THADA: variants seen among roughly 807,000 people sequenced by gnomAD.
THADA encodes the protein THADA armadillo repeat containing.
Under a neutral mutation model 219.8 loss-of-function variants are expected in THADA, and 213 were observed. The observed-to-expected ratio is 0.97, with a 90% CI of 0.87 to 1.09. The LOEUF (loss-of-function observed/expected upper bound fraction) is 1.09, where lower values mean the gene tolerates loss of function less well. THADA is among the 50% of genes least tolerant of loss of function. THADA has a pLI of 0.00. For missense variants in THADA, 2,956 were observed against 2,311.3 expected, an observed-to-expected ratio of 1.28 and a Z score of -5.72; for synonymous variants, 1,018 against 828.9, an observed-to-expected ratio of 1.23 and a Z score of -3.92.
chr2:43,334,077 C>A (rs1666105244), intron 30 of THADA, among the ~76,000 whole-genome samples: 1 of 152,232 alleles, frequency 6.6e-6, no homozygotes. Context: ...GGGATTGCCA[C>A]ACAAAAGCCT....
intron 26 of THADA, among the ~76,000 whole-genome samples, chr2:43,474,355 C>T (rs1019730420): frequency 1.3e-5 from 2 of 152,196 alleles, no homozygotes; most frequent in African/African-American, 4.8e-5. Context: ...AGGAGTGGAA[C>T]ATGCAGGCTC....
At chr2:43,582,496 T>TA (rs564311180) in intron 7 of THADA, among the ~76,000 whole-genome samples, 138 of 128,192 alleles carry the variant, frequency 1.1e-3, no homozygotes, top group Non-Finnish European at 1.1e-3. Flanking sequence ...GACACCATCT[T>TA]AAAAAAAAAA....
intron 29 of THADA, among the ~76,000 whole-genome samples, chr2:43,369,446 A>G (rs1380229589): frequency 6.6e-6 from 1 of 152,218 alleles, no homozygotes; most frequent in East Asian, 1.9e-4. Context: ...GTGACATATA[A>G]TATCTATCAC....
chr2:43,478,626 C>T (rs1043681600), intron 26 of THADA, among the ~76,000 whole-genome samples: 2 of 152,108 alleles, frequency 1.3e-5, no homozygotes, highest in Non-Finnish European at 2.9e-5. Context: ...ACATGCATTG[C>T]CAAAATTCCA....
At chr2:43,394,504 T>C (rs1558689610) in intron 29 of THADA, among the ~76,000 whole-genome samples, 1 of 152,240 alleles carries the variant, frequency 6.6e-6, no homozygotes, top group Non-Finnish European at 1.5e-5. Flanking sequence ...AACTTTATAT[T>C]TATTTAGCTG....
intron 25 of THADA, among the ~76,000 whole-genome samples, chr2:43,489,121 G>A (rs1313034061): frequency 6.6e-6 from 1 of 151,932 alleles, no homozygotes; most frequent in African/African-American, 2.4e-5. Context: ...ATACTTTCTT[G>A]ATTGTGTCCT....
chr2:43,284,470 T>G (rs919011046), intron 35 of THADA, among the ~76,000 whole-genome samples: 10 of 152,296 alleles, frequency 6.6e-5, no homozygotes, highest in Admixed American at 5.9e-4. Flanking sequence ...CATGTGGTGT[T>G]GGGCCTGTGG....
At chr2:43,475,422 TAAA>T (rs59689521) in intron 26 of THADA, among the ~76,000 whole-genome samples, 11 of 99,564 alleles carry the variant, frequency 1.1e-4, no homozygotes, top group Non-Finnish European at 1.2e-4. Context: ...GGCCCTGTCT[TAAA>T]AAAAAAAAAA....
intron 32 of THADA, 71 bp downstream of exon 32, chr2:43,292,763 C>G: frequency 6.5e-7 from 1 of 1,544,600 alleles, no homozygotes; most frequent in Non-Finnish European, 8.7e-7. Context: ...CCTTCATGAT[C>G]CTACCATTCC....
At position 43,590,903 on chromosome 2, in the gene THADA, T is replaced by C. The variant is rs1350960977; in HGVS notation, c.223A>G (p.Ile75Val). 3.1e-6 allele frequency: 5 copies of C among 1,613,696 alleles called. No homozygotes were observed. The Admixed American group carries it at 5.0e-5, about 16-fold the overall frequency. ...ADKNGMCDPTIQSCLDILAGI... is the reference protein window; with the variant it reads ...ADKNGMCDPTVQSCLDILAGI... ...GCTAAGATATCCAAACAACTTTGAA[T>C]AGTGGGATCACACATGCCATTTTTA... The change falls in exon 4 of 38, where the codon ATT (isoleucine) becomes GTT (valine). Residue 75 changes from isoleucine (I) to valine (V), a missense_variant. Coordinates refer to ENST00000405975, the MANE Select transcript of THADA (RefSeq NM_022065.5).
At chr2:43,531,345 G>A (rs764518995) in intron 21 of THADA, among the ~76,000 whole-genome samples, 8 of 152,322 alleles carry the variant, frequency 5.3e-5, no homozygotes, top group Middle Eastern at 3.4e-3. Flanking sequence ...AAATAAGTGC[G>A]TGCCAGCTAC....
chr2:43,476,641 T>G (rs952198613), intron 26 of THADA, among the ~76,000 whole-genome samples: 3 of 152,078 alleles, frequency 2.0e-5, no homozygotes, highest in Admixed American at 6.5e-5. Flanking sequence ...AACAACAGAG[T>G]GTGCTACTTA....
At chr2:43,468,551 C>T (rs1449888094) in intron 26 of THADA, among the ~76,000 whole-genome samples, 1 of 152,050 alleles carries the variant, frequency 6.6e-6, no homozygotes, top group Non-Finnish European at 1.5e-5. Context: ...CTGCATTGCC[C>T]TCATTTTCAC....
chr2:43,307,008 C>A (rs1398825421), intron 31 of THADA, among the ~76,000 whole-genome samples: 1 of 152,160 alleles, frequency 6.6e-6, no homozygotes, highest in Non-Finnish European at 1.5e-5. Flanking sequence ...CAAGAGGCCT[C>A]AAGACAAGGT....
intron 22 of THADA, among the ~76,000 whole-genome samples, chr2:43,520,713 T>TATACACACACACAC (rs1218079783): frequency 1.6e-5 from 2 of 125,048 alleles, no homozygotes; most frequent in African/African-American, 3.0e-5. Context: ...TATATATATA[T>TATACACACACACAC]ACACACACAC....
chr2:43,434,972 C>T (rs1249854947), intron 26 of THADA, among the ~76,000 whole-genome samples: 2 of 152,200 alleles, frequency 1.3e-5, no homozygotes, highest in Non-Finnish European at 2.9e-5. Flanking sequence ...GGGAGCCCCA[C>T]AGCCTGCCTG....
At chr2:43,376,368 T>G (rs1671383561) in intron 29 of THADA, among the ~76,000 whole-genome samples, 1 of 152,200 alleles carries the variant, frequency 6.6e-6, no homozygotes, top group African/African-American at 2.4e-5. Context: ...CTTAAGTCAT[T>G]TTCAAAACTT....
At chr2:43,523,196 C>T (rs968647985) in intron 22 of THADA, among the ~76,000 whole-genome samples, 1 of 152,022 alleles carries the variant, frequency 6.6e-6, no homozygotes, top group African/African-American at 2.4e-5. Context: ...GAAACCCCAT[C>T]TCTACAAAAA....
intron 25 of THADA, 23 bp from the exon 26 acceptor site, chr2:43,485,348 A>T: frequency 1.3e-6 from 2 of 1,544,276 alleles, no homozygotes; most frequent in Non-Finnish European, 1.8e-6. Context: ...CGAAAACACA[A>T]TAAGGCTTAA....
Sources: allele counts gnomAD v4.1 joint callset (sites outside exome capture counted in the v4.1 genomes callset), GRCh38; gene constraint gnomAD v4.1.1; transcripts MANE v1.5; gene names NCBI Gene and HGNC (gene_info 2026-07-23, HGNC 2026-07-21).